The following EPHA6 variants were observed in gnomAD, a reference collection of about 807,000 sequenced individuals.
EPHA6 encodes EPH receptor A6.
EPHA6 carries 50 observed loss-of-function variants against 112.0 expected under a neutral mutation model. That is an observed-to-expected ratio of 0.45 (90% CI 0.36 to 0.56). EPHA6 has a LOEUF of 0.56. Ranked by LOEUF, EPHA6 falls within the 20% of genes least tolerant of loss-of-function variation. The pLI is 0.00. For missense variants in EPHA6, 1,280 were observed against 1,417.4 expected (o/e 0.90, Z 1.56); for synonymous variants, 529 against 490.7 (o/e 1.08, Z -1.03).
At chr3:97,062,429 A>T (rs2046051038) in intron 3 of EPHA6, among the ~76,000 whole-genome samples, 2 of 152,180 alleles carry the variant, frequency 1.3e-5, no homozygotes, top group African/African-American at 4.8e-5. Flanking sequence ...TGCAATCTGA[A>T]TATCTGACCA....
At chr3:96,822,335 G>A (rs2033324673) in intron 1 of EPHA6, among the ~76,000 whole-genome samples, 1 of 151,784 alleles carries the variant, frequency 6.6e-6, no homozygotes, top group Admixed American at 6.6e-5. Flanking sequence ...TCAAATCGTA[G>A]CAATTGTATG....
At chr3:97,195,600 A>G (rs1004845871) in intron 3 of EPHA6, among the ~76,000 whole-genome samples, 1 of 151,938 alleles carries the variant, frequency 6.6e-6, no homozygotes, top group Admixed American at 6.6e-5. Flanking sequence ...GTACCTTCAG[A>G]TGATTGTTGC....
At chr3:97,583,162 A>G (rs1418731404) in intron 11 of EPHA6, among the ~76,000 whole-genome samples, 3 of 151,746 alleles carry the variant, frequency 2.0e-5, no homozygotes, top group Non-Finnish European at 4.4e-5. Flanking sequence ...AAATAGATCT[A>G]GCTCTCATAC....
At chr3:97,589,765 CA>C (rs2093526253) in intron 11 of EPHA6, among the ~76,000 whole-genome samples, 1 of 152,096 alleles carries the variant, frequency 6.6e-6, no homozygotes, top group Admixed American at 6.6e-5. Context: ...ACTCTTATTA[CA>C]TATAAAATCT....
At chr3:97,164,029 A>G (rs763437872) in intron 3 of EPHA6, among the ~76,000 whole-genome samples, 5 of 152,210 alleles carry the variant, frequency 3.3e-5, no homozygotes, top group Admixed American at 6.5e-5. Flanking sequence ...TTTGTGGTGC[A>G]TAAACCAGGA....
At chr3:97,466,116 G>A (rs1011840921) in intron 7 of EPHA6, 3 of 485,386 alleles carry the variant, frequency 6.2e-6, no homozygotes, top group South Asian at 1.9e-5. Flanking sequence ...CCTGGCACAT[G>A]TGTTAGTCTT....
At chr3:97,610,056 C>T (rs1333782959) in intron 12 of EPHA6, among the ~76,000 whole-genome samples, 1 of 151,354 alleles carries the variant, frequency 6.6e-6, no homozygotes, top group Non-Finnish European at 1.5e-5. Flanking sequence ...AACAGTGTAC[C>T]AATTGATATG....
At chr3:97,199,764 T>C (rs1213577596) in intron 3 of EPHA6, among the ~76,000 whole-genome samples, 3 of 152,120 alleles carry the variant, frequency 2.0e-5, no homozygotes, top group Admixed American at 2.0e-4. Context: ...AACAAAACAC[T>C]AATGTTTAAT....
At chr3:97,424,806 CAAA>C (rs60277455) in intron 6 of EPHA6, among the ~76,000 whole-genome samples, 3 of 52,074 alleles carry the variant, frequency 5.8e-5, no homozygotes, top group Admixed American at 2.2e-4. Flanking sequence ...AACTCTGTCT[CAAA>C]AAAAAAAAAA....
At chr3:96,913,270 T>C (rs2039322656) in intron 2 of EPHA6, among the ~76,000 whole-genome samples, 1 of 150,344 alleles carries the variant, frequency 6.7e-6, no homozygotes, top group African/African-American at 2.5e-5. Context: ...CTCAAGAGGC[T>C]AAGGTGGGAG....
intron 4 of EPHA6, among the ~76,000 whole-genome samples, chr3:97,239,107 C>A (rs1319149983): frequency 6.6e-6 from 1 of 151,840 alleles, no homozygotes; most frequent in Non-Finnish European, 1.5e-5. Context: ...TAATCAGAAG[C>A]AATCCGTTTT....
chr3:97,027,937 A>G (rs1199332583), intron 3 of EPHA6, among the ~76,000 whole-genome samples: 1 of 152,194 alleles, frequency 6.6e-6, no homozygotes, highest in Non-Finnish European at 1.5e-5. Context: ...AAATTCCCGT[A>G]TCCTGGTCCC....
chr3:97,376,226 TAG>T (rs1406526761), intron 5 of EPHA6, among the ~76,000 whole-genome samples: 4 of 152,208 alleles, frequency 2.6e-5, no homozygotes, highest in African/African-American at 9.6e-5. Flanking sequence ...ACCCTAATAG[TAG>T]AGAGTTATCT....
At chr3:97,621,374 C>A (rs1404670284) in intron 13 of EPHA6, among the ~76,000 whole-genome samples, 2 of 151,832 alleles carry the variant, frequency 1.3e-5, no homozygotes, top group East Asian at 3.9e-4. Context: ...ATGACACAAC[C>A]ATTTAAGAAA....
intron 3 of EPHA6, among the ~76,000 whole-genome samples, chr3:97,201,640 G>A (rs747556620): frequency 6.6e-6 from 1 of 151,984 alleles, no homozygotes; most frequent in African/African-American, 2.4e-5. Flanking sequence ...TTATCCATTT[G>A]TTAACATTTG....
At chr3:96,994,284 A>G (rs556657440) in intron 3 of EPHA6, 4 of 334,844 alleles carry the variant, frequency 1.2e-5, no homozygotes, top group African/African-American at 6.2e-5. Flanking sequence ...CTGATATTTC[A>G]TAACTTTTAA....
intron 1 of EPHA6, among the ~76,000 whole-genome samples, chr3:96,860,215 A>G (rs921599932): frequency 2.0e-5 from 3 of 152,144 alleles, no homozygotes; most frequent in African/African-American, 7.2e-5. Context: ...CATTATGTCC[A>G]TGTAAATGTA....
chr3:97,625,345 T>G (rs537926467), intron 13 of EPHA6, among the ~76,000 whole-genome samples: 1 of 151,790 alleles, frequency 6.6e-6, no homozygotes, highest in South Asian at 2.1e-4. Flanking sequence ...AATTTGTGGA[T>G]TTTTCCGTTT....
intron 14 of EPHA6, among the ~76,000 whole-genome samples, chr3:97,666,108 T>A (rs1365462263): frequency 6.6e-6 from 1 of 152,048 alleles, no homozygotes; most frequent in Non-Finnish European, 1.5e-5. Flanking sequence ...TCTGACGCCT[T>A]GCCTTGAATT....
Sources: allele counts gnomAD v4.1 joint callset (sites outside exome capture counted in the v4.1 genomes callset), GRCh38; gene constraint gnomAD v4.1.1; transcripts MANE v1.5; gene names NCBI Gene and HGNC (gene_info 2026-07-23, HGNC 2026-07-21).